The following NCOA4 variants were observed in gnomAD, a reference collection of about 807,000 sequenced individuals.
NCOA4 encodes the protein nuclear receptor coactivator 4.
A neutral mutation model predicts 69.5 loss-of-function variants in NCOA4; 31 were observed. The ratio of observed to expected loss-of-function variants is 0.45; its 90% CI spans 0.34 to 0.60. The LOEUF is 0.60. NCOA4 is among the 20% of genes least tolerant of loss of function. NCOA4 has a pLI of 0.02. For missense variants in NCOA4, 600 were observed against 719.2 expected (o/e 0.83, Z 1.90); for synonymous variants, 228 against 252.4 (o/e 0.90, Z 0.92).
intron 1 of NCOA4, among the ~76,000 whole-genome samples, chr10:46,017,798 G>GT (rs1839654828): frequency 1.3e-5 from 2 of 152,138 alleles, no homozygotes. Flanking sequence ...AAATGAGACT[G>GT]TAACACATGA....
chr10:46,016,780 C>G, intron 1 of NCOA4, 86 bp from the exon 2 acceptor site: 1 of 967,554 alleles, frequency 1.0e-6, no homozygotes, highest in Non-Finnish European at 1.4e-6. Flanking sequence ...ATCATTCCAG[C>G]CAACTCCCAT....
chr10:46,014,987 AC>A, intron 3 of NCOA4, 45 bp from the exon 4 acceptor site: 1 of 1,590,010 alleles, frequency 6.3e-7, no homozygotes, highest in Non-Finnish European at 8.6e-7. Flanking sequence ...CACCAAAAGC[AC>A]CAGATATACT....
Position 46,016,590 on chromosome 10 carries a change from T to C in NCOA4, c.91A>G (p.Ile31Val), listed in dbSNP as rs183345436. Reference sequence around the variant, plus strand: ...TGTTCAGCCCGGAGAACTCCACCAATAGCAAGCTCCAAGTCCCTCCGTGCA... The same window carrying C: ...TGTTCAGCCCGGAGAACTCCACCAACAGCAAGCTCCAAGTCCCTCCGTGCA... ...SDARRDLELA[I>V]GGVLRAEQQI... The change falls in exon 2 of 10, where the codon ATT becomes GTT. Residue 31 changes from isoleucine (I) to valine (V), a missense_variant. Ile to Val is a conservative substitution (Grantham distance 29). Coordinates refer to ENST00000581486, the MANE Select transcript of NCOA4 (RefSeq NM_001145263.2). 1.1e-5 allele frequency: 17 copies of C among 1,565,564 alleles called. No homozygotes were observed. In the East Asian group the frequency reaches 3.4e-4, roughly 32 times the overall value.
chr10:46,023,249 C>T, intron 1 of NCOA4: 6 of 983,188 alleles, frequency 6.1e-6, no homozygotes, highest in Non-Finnish European at 7.2e-6. Flanking sequence ...GCCGCTGCGA[C>T]CCGGCTCCTG....
At chr10:46,011,251 C>T in intron 7 of NCOA4, 45 bp from the exon 8 acceptor site, 1 of 1,524,840 alleles carries the variant, frequency 6.6e-7, no homozygotes, top group Non-Finnish European at 8.8e-7. Context: ...ACAATTATGA[C>T]TGCTTTGGAG....
At chr10:46,021,750 A>C (rs1201169072) in intron 1 of NCOA4, among the ~76,000 whole-genome samples, 5 of 152,170 alleles carry the variant, frequency 3.3e-5, no homozygotes, top group African/African-American at 1.2e-4. Flanking sequence ...ACCTGAGGTC[A>C]GGAGTTCGAG....
intron 7 of NCOA4, among the ~76,000 whole-genome samples, chr10:46,012,055 G>A (rs1014451976): frequency 7.1e-5 from 6 of 84,038 alleles, no homozygotes; most frequent in Admixed American, 2.0e-4. Flanking sequence ...AGCAAGACTC[G>A]GTCTCAAAAA....
At chr10:46,009,341 A>C in intron 9 of NCOA4, 70 bp downstream of exon 9, 3 of 1,551,706 alleles carry the variant, frequency 1.9e-6, no homozygotes, top group South Asian at 1.1e-5. Context: ...GTATGACTTC[A>C]TATGTAAGAC....
intron 1 of NCOA4, among the ~76,000 whole-genome samples, chr10:46,018,261 T>C (rs1434177547): frequency 3.3e-5 from 5 of 152,104 alleles, no homozygotes; most frequent in Non-Finnish European, 5.9e-5. Context: ...CAAAACAATC[T>C]CTACATAGCT....
At position 46,010,418 on chromosome 10, in the gene NCOA4, G is replaced by A. The variant is rs1554920934; in HGVS notation, c.1503C>T (p.Pro501=). The A allele has an allele frequency of 1.2e-6, 2 of 1,614,148 alleles. No homozygotes were observed. The highest frequency in any genetic ancestry group is 3.3e-5 in the Admixed American group (2 of 60,012). ...CCTTGGGACTTCCTTCTTTGTATGG[G>A]GGCCTGATAAGCCACTCCGACAAGG... The part of the protein sequence containing the change: ...NSPLSEWLIR[P]PYKEGSPKEV... Residue 501 remains proline, a synonymous_variant, in exon 8 of 10, where the codon CCC becomes CCT. Transcript: ENST00000581486.
rs782543864 is a variant in NCOA4 at position 46,010,921 on chromosome 10, A to G, written c.1000T>C (p.Ser334Pro). 4 of 1,613,820 alleles carry G rather than the reference A, an allele frequency of 2.5e-6. No individual in the cohort carries two copies. The African/African-American group carries it at 5.3e-5, about 22-fold the overall frequency. ...TSEKFKLLFQ[S>P]YNVNDWLVKT... The stretch of plus-strand genomic sequence containing the variant: ...ACAAGCCAATCATTCACATTATAGG[A>G]CTGGAATAAGAGCTTAAACTTCTCA... The change falls in exon 8 of 10, where the codon TCC becomes CCC. Residue 334 changes from serine to proline, a missense_variant. Physicochemically the swap from Ser to Pro is moderately conservative, Grantham distance 74 (BLOSUM62 -1). Transcript: ENST00000581486.
intron 8 of NCOA4, 116 bp from the exon 9 acceptor site, chr10:46,009,667 A>C: frequency 1.0e-6 from 1 of 975,462 alleles, no homozygotes; most frequent in Non-Finnish European, 1.5e-6. Flanking sequence ...CTCTGTAACA[A>C]CCAAAAACAA....
chr10:46,013,088 G>A (rs1839332961), intron 6 of NCOA4, 62 bp from the exon 7 acceptor site: 18 of 1,540,972 alleles, frequency 1.2e-5, no homozygotes, highest in Non-Finnish European at 1.6e-5. Flanking sequence ...AAAGAGAAGA[G>A]CCACTCTCTA....
At position 46,010,303 on chromosome 10, in the gene NCOA4, C is replaced by G; in HGVS notation, c.1618G>C (p.Val540Leu). The change falls in exon 8 of 10, where the codon GTC becomes CTC. Residue 540 changes from valine (V) to leucine (L), a missense_variant. Transcript: ENST00000581486. ...TTGCCCATCTTCTTTCCTGGCAGGA[C>G]CCAGTCAGCTGTGTTAAAGGAACAC... ...SWCSFNTADW[V>L]LPGKKMGNLS... is the part of the protein sequence containing the mutation. 1 of 1,614,134 alleles carries G rather than the reference C, an allele frequency of 6.2e-7. No individual in the cohort carries two copies. Among genetic ancestry groups the G allele is most frequent in the Non-Finnish European group, 8.5e-7 (1 of 1,180,022 alleles).
At chr10:46,006,720 C>A in intron 9 of NCOA4, 123 bp from the exon 10 acceptor site, 1 of 912,596 alleles carries the variant, frequency 1.1e-6, no homozygotes, top group Admixed American at 1.9e-5. Flanking sequence ...GTATTTTTTA[C>A]AAATTAAGCA....
Position 46,013,569 on chromosome 10 carries a change from C to T in NCOA4, c.551G>A (p.Cys184Tyr), listed in dbSNP as rs782530033. 2 of 1,611,960 alleles carry T rather than the reference C, an allele frequency of 1.2e-6. No individual in the cohort carries two copies. The highest frequency in any genetic ancestry group is 2.2e-5 in the East Asian group (1 of 44,846). The change falls in exon 6 of 10, where the codon TGT becomes TAT. Residue 184 changes from cysteine (C) to tyrosine (Y), a missense_variant. Transcript: ENST00000581486. ...TTTTACCTGCTCTGGCATGGAGATA[C>T]AGCCTCTCTTCTCCAGGAAGGGCCC... The part of the protein sequence containing the change: ...NIGPFLEKRG[C>Y]ISMPEQKSAS...
chr10:46,026,985 T>C (rs1840183549), intron 1 of NCOA4, among the ~76,000 whole-genome samples: 1 of 152,058 alleles, frequency 6.6e-6, no homozygotes, highest in Non-Finnish European at 1.5e-5. Context: ...CTAAGAGTGG[T>C]CCGGGCGCGG....
Position 46,011,120 on chromosome 10 carries a change from T to C in NCOA4, c.801A>G (p.Ser267=). 6.2e-7 allele frequency: 1 copy of C among 1,613,828 alleles called. No individual in the cohort carries two copies. The highest frequency in any genetic ancestry group is 8.5e-7 in the Non-Finnish European group (1 of 1,179,818). The change falls in exon 8 of 10, where the codon TCA becomes TCG. Residue 267 remains serine (S), a synonymous_variant. Transcript: ENST00000581486. Reference sequence around the variant, plus strand: ...AATGGCTGTTACACTTTTGATAACTTGATTTTTCACTCTTGAGGAGCCAGT... The same window carrying C: ...AATGGCTGTTACACTTTTGATAACTCGATTTTTCACTCTTGAGGAGCCAGT... The part of the protein sequence containing the change: ...LENWLLKSEK[S]SYQKCNSHST...
chr10:46,014,865 C>T lies in NCOA4; in HGVS notation c.360G>A (p.Val120=), dbSNP rs374157113. The change falls in exon 4 of 10, where the codon GTG becomes GTA. Residue 120 remains valine (V), a synonymous_variant. Coordinates refer to ENST00000581486, the MANE Select transcript of NCOA4 (RefSeq NM_001145263.2). ...QNKDLANQVS[V]CLERLGSLTL... ...AAAAGGGTCATTACCTCTCCAGGCA[C>T]ACAGAGACTTGATTGGCTAGATCTT... is the stretch of plus-strand genomic sequence containing the variant. 97 of 1,613,766 alleles carry T rather than the reference C, an allele frequency of 6.0e-5. No homozygotes were observed. The highest frequency in any genetic ancestry group is 7.5e-5 in the Non-Finnish European group (89 of 1,179,818).
Sources: allele counts gnomAD v4.1 joint callset (sites outside exome capture counted in the v4.1 genomes callset), GRCh38; gene constraint gnomAD v4.1.1; transcripts MANE v1.5; gene names NCBI Gene and HGNC (gene_info 2026-07-23, HGNC 2026-07-21).